BDP1: variants seen among roughly 807,000 people sequenced by gnomAD.
BDP1 encodes the protein transcription factor TFIIIB component B'' homolog.
BDP1 carries 169 observed loss-of-function variants against 266.6 expected under a neutral mutation model. The ratio of observed to expected loss-of-function variants is 0.63; its 90% CI spans 0.56 to 0.72. The LOEUF (loss-of-function observed/expected upper bound fraction) is 0.72. Among genes scored for constraint, BDP1 ranks in the 30% least tolerant of loss-of-function variants. The probability of loss-of-function intolerance (pLI) is 0.00; values close to 1 mark genes in which losing one functional copy is unlikely to be tolerated. For missense variants in BDP1, 3,015 were observed against 3,053.8 expected, an observed-to-expected ratio of 0.99 and a Z score of 0.30; for synonymous variants, 1,090 against 1,022.4, an observed-to-expected ratio of 1.07 and a Z score of -1.26.
chr5:71,523,872 G>A, intron 24 of BDP1, 67 bp from the exon 25 acceptor site: 2 of 1,446,006 alleles, frequency 1.4e-6, no homozygotes, highest in South Asian at 1.5e-5. Context: ...CACTCTAAAA[G>A]TTTGGTTTTC....
In BDP1 at chr5:71,469,945, G is replaced by A. The variant is rs184413431; in HGVS notation, c.920-450G>A. On this transcript the variant is annotated intron_variant, in intron 6 of 38. Transcript: ENST00000358731. Reference sequence around the variant, plus strand: ...CAACCTCCGCTTCCCGGGTTCAAGCGATTCTCCTGCCTCAGCCTCCCACAT... The same window carrying A: ...CAACCTCCGCTTCCCGGGTTCAAGCAATTCTCCTGCCTCAGCCTCCCACAT... Among the ~76,000 whole-genome samples, 518 of 149,908 alleles carry A rather than the reference G, an allele frequency of 3.5e-3. 3 individuals carry two copies. Among genetic ancestry groups the A allele is most frequent in the African/African-American group, 0.012 (488 of 40,678 alleles).
At chr5:71,553,855 C>T (rs1429217068) in intron 35 of BDP1, among the ~76,000 whole-genome samples, 3 of 152,174 alleles carry the variant, frequency 2.0e-5, no homozygotes, top group Non-Finnish European at 4.4e-5. Context: ...CTTTCAATTC[C>T]TTAAATGTCC....
chr5:71,567,700 A>G lies in BDP1; in HGVS notation c.*2815A>G, dbSNP rs1434806864. On this transcript the variant is annotated 3_prime_UTR_variant, in exon 39 of 39. Transcript: ENST00000358731. The stretch of plus-strand genomic sequence containing the variant: ...TGAAACAAAAGTGACCATGTATACT[A>G]TCTTGCTTGAAGAAGTCTTTGACAG... 2.0e-5 allele frequency: 3 copies of G among 152,618 alleles called. No homozygotes were observed. Among genetic ancestry groups the G allele is most frequent in the African/African-American group, 7.2e-5 (3 of 41,446 alleles). The allele number at this position is 152,618 out of a possible 1,614,324, so 9.5% of individuals were successfully genotyped here. A position where few individuals can be genotyped will look rare whatever the true frequency, so the allele number is the denominator to read the frequency against.
At chr5:71,529,808 G>A (rs533358206) in intron 25 of BDP1, among the ~76,000 whole-genome samples, 1 of 152,222 alleles carries the variant, frequency 6.6e-6, no homozygotes, top group Non-Finnish European at 1.5e-5. Flanking sequence ...ACAAAGTATC[G>A]CATACTGTGT....
chr5:71,571,466 CAGAT>C (rs764275292), downstream of BDP1, among the ~76,000 whole-genome samples: 1 of 152,092 alleles, frequency 6.6e-6, no homozygotes, highest in Non-Finnish European at 1.5e-5. Flanking sequence ...CAGTTTTTCT[CAGAT>C]ACCCAGGGAC....
intron 32 of BDP1, among the ~76,000 whole-genome samples, chr5:71,546,553 G>C (rs1301201978): frequency 7.1e-6 from 1 of 141,128 alleles, no homozygotes; most frequent in East Asian, 2.2e-4. Context: ...AGGAGACAGA[G>C]GTTGCAGTGG....
rs1455517111 is a variant in BDP1, at chr5:71,486,462, TCTTTTC to T, written c.1070-15_1070-10del. 2.0e-6 allele frequency: 3 copies of T among 1,530,376 alleles called. No homozygotes were observed. Among genetic ancestry groups the T allele is most frequent in the South Asian group, 2.6e-5 (2 of 76,722 alleles). The allele number at this position is 1,530,376 out of a possible 1,614,324, so 94.8% of individuals were successfully genotyped here. ...CTTTTAAAAATAAAAACTTGAAAGT[TCTTTTC>T]CTTTTCTTTAAACAGAGGAAAAGCG... is the stretch of plus-strand genomic sequence containing the variant. On this transcript the variant is annotated splice_polypyrimidine_tract_variant and intron_variant, in intron 8 of 38. Transcript: ENST00000358731.
At chr5:71,502,908 T>C (rs1261142060) in intron 15 of BDP1, 117 bp downstream of exon 15, 8 of 807,734 alleles carry the variant, frequency 9.9e-6, no homozygotes, top group Non-Finnish European at 1.5e-5. Context: ...TATTTATTTA[T>C]GACGGAGTCT....
intron 26 of BDP1, among the ~76,000 whole-genome samples, chr5:71,535,847 A>G (rs563737304): frequency 1.3e-5 from 2 of 152,144 alleles, no homozygotes; most frequent in Non-Finnish European, 2.9e-5. Context: ...CTTATAAGGA[A>G]AGGACACCAG....
At chr5:71,575,454 G>A in the BDP1 span, among the ~76,000 whole-genome samples, 1 of 152,214 alleles carries the variant, frequency 6.6e-6, no homozygotes, top group Non-Finnish European at 1.5e-5. Flanking sequence ...AGGACACATA[G>A]AGGAGTCAGT....
chr5:71,563,982 A>G (rs1177580552), intron 38 of BDP1, among the ~76,000 whole-genome samples: 1 of 152,262 alleles, frequency 6.6e-6, no homozygotes, highest in Non-Finnish European at 1.5e-5. Flanking sequence ...GCATTTTTAT[A>G]GTAGAGTTTT....
At chr5:71,508,555 AG>A (rs1764714751) in intron 16 of BDP1, among the ~76,000 whole-genome samples, 1 of 151,434 alleles carries the variant, frequency 6.6e-6, no homozygotes, top group Non-Finnish European at 1.5e-5. Context: ...AAGTGCTAGG[AG>A]TACAGGCATG....
At chr5:71,577,849 C>T in the BDP1 span, among the ~76,000 whole-genome samples, 3 of 152,210 alleles carry the variant, frequency 2.0e-5, no homozygotes, top group East Asian at 3.9e-4. Flanking sequence ...GATGGACTGC[C>T]AATCGGAGAA....
chr5:71,495,969 G>A (rs1160753225), intron 12 of BDP1, among the ~76,000 whole-genome samples: 13 of 152,004 alleles, frequency 8.6e-5, no homozygotes, highest in African/African-American at 3.1e-4. Flanking sequence ...TGGGCTGGGC[G>A]CAGTGGCTCA....
intron 7 of BDP1, among the ~76,000 whole-genome samples, chr5:71,483,507 C>T (rs144661268): frequency 3.0e-4 from 45 of 152,290 alleles, no homozygotes; most frequent in African/African-American, 8.7e-4. Context: ...TAACCTGTTA[C>T]GAATACTTAA....
At chr5:71,563,703 A>C (rs1743837391) in intron 38 of BDP1, among the ~76,000 whole-genome samples, 1 of 152,178 alleles carries the variant, frequency 6.6e-6, no homozygotes, top group Non-Finnish European at 1.5e-5. Context: ...ACCTGAGGTG[A>C]GGAGTTTGAG....
At chr5:71,535,260 G>C (rs1355011304) in intron 26 of BDP1, among the ~76,000 whole-genome samples, 2 of 151,316 alleles carry the variant, frequency 1.3e-5, no homozygotes, top group African/African-American at 4.9e-5. Context: ...GGAGTGCAAT[G>C]GCGCAATCTT....
At chr5:71,531,599 C>G (rs931658776) in intron 25 of BDP1, among the ~76,000 whole-genome samples, 1 of 152,142 alleles carries the variant, frequency 6.6e-6, no homozygotes, top group Admixed American at 6.6e-5. Context: ...ACCTCCACCT[C>G]CTGGGTTCAA....
intron 16 of BDP1, 100 bp from the exon 17 acceptor site, chr5:71,509,365 T>G: frequency 6.8e-6 from 9 of 1,328,104 alleles, no homozygotes; most frequent in Non-Finnish European, 9.0e-6. Context: ...TTTTTGAATT[T>G]GAGAGTTTCT....
Sources: gnomAD v4.1 joint callset for allele counts (sites outside exome capture counted in the v4.1 genomes callset) on GRCh38, gnomAD v4.1.1 for gene constraint, MANE v1.5 for transcripts, NCBI Gene and HGNC (gene_info 2026-07-23, HGNC 2026-07-21) for gene names.